Variants in SGCZ observed in about 807,000 individuals in gnomAD.
SGCZ encodes sarcoglycan zeta, also known as zeta-sarcoglycan.
Under a neutral mutation model 41.3 loss-of-function variants are expected in SGCZ, and 40 were observed. That is an observed-to-expected ratio of 0.97 (90% CI 0.75 to 1.26). The LOEUF (loss-of-function observed/expected upper bound fraction) is 1.26, where lower values mean the gene tolerates loss of function less well. Ranked by LOEUF, SGCZ falls within the 50% of genes most tolerant of loss-of-function variation. SGCZ has a pLI of 0.00. For missense variants in SGCZ, 552 were observed against 369.8 expected, an observed-to-expected ratio of 1.49 and a Z score of -4.04; for synonymous variants, 206 against 137.5, an observed-to-expected ratio of 1.50 and a Z score of -3.49.
intron 2 of SGCZ, among the ~76,000 whole-genome samples, chr8:14,347,413 T>A (rs551041171): frequency 1.3e-5 from 2 of 152,110 alleles, no homozygotes; most frequent in Admixed American, 6.6e-5. Flanking sequence ...CCATATGTGA[T>A]TAATTGCATT....
At chr8:14,304,372 T>G (rs962687234) in intron 3 of SGCZ, among the ~76,000 whole-genome samples, 1 of 152,054 alleles carries the variant, frequency 6.6e-6, no homozygotes, top group African/African-American at 2.4e-5. Flanking sequence ...GGCAGAAGGA[T>G]TGCTTGAGCC....
intron 1 of SGCZ, among the ~76,000 whole-genome samples, chr8:14,650,711 G>A (rs1393739756): frequency 1.3e-5 from 2 of 152,066 alleles, no homozygotes; most frequent in Admixed American, 1.3e-4. Context: ...ATTGCCAGGT[G>A]AAAGAGATTT....
intron 2 of SGCZ, among the ~76,000 whole-genome samples, chr8:14,536,256 AT>A (rs1803293632): frequency 6.6e-6 from 1 of 151,904 alleles, no homozygotes; most frequent in East Asian, 1.9e-4. Flanking sequence ...GAAACAATTC[AT>A]TCATGTTGAT....
intron 1 of SGCZ, among the ~76,000 whole-genome samples, chr8:14,984,024 A>C (rs1801753321): frequency 6.6e-6 from 1 of 152,204 alleles, no homozygotes; most frequent in Non-Finnish European, 1.5e-5. Flanking sequence ...AAGTGGAGTG[A>C]AATTGGAATA....
chr8:14,086,630 C>G lies in SGCZ; in HGVS notation c.*3813G>C, dbSNP rs1801529650. On this transcript the variant is annotated 3_prime_UTR_variant, in exon 8 of 8. Coordinates refer to ENST00000382080, the MANE Select transcript of SGCZ (RefSeq NM_139167.4). ...CCTAAACAGTCATTTTGAATAAGAT[C>G]CAAATGCATTATTTTCCTTTTTAAC... 6.6e-6 allele frequency among the ~76,000 whole-genome samples: 1 copy of G among 151,562 alleles called. No individual in the cohort carries two copies. Among genetic ancestry groups the G allele is most frequent in the Admixed American group, 6.6e-5 (1 of 15,150 alleles).
intron 1 of SGCZ, among the ~76,000 whole-genome samples, chr8:15,142,770 C>T (rs567308005): frequency 2.6e-5 from 4 of 151,916 alleles, no homozygotes; most frequent in Admixed American, 6.6e-5. Flanking sequence ...CATCACCGCA[C>T]CCAGCTACTT....
intron 1 of SGCZ, among the ~76,000 whole-genome samples, chr8:15,114,749 T>C (rs768269921): frequency 9.3e-5 from 14 of 150,690 alleles, no homozygotes; most frequent in Non-Finnish European, 1.8e-4. Context: ...ACAAGCGTTT[T>C]CTTTTTGTTT....
intron 1 of SGCZ, among the ~76,000 whole-genome samples, chr8:14,771,819 G>A (rs904301074): frequency 6.6e-6 from 1 of 151,970 alleles, no homozygotes; most frequent in Non-Finnish European, 1.5e-5. Flanking sequence ...AATTTGCATT[G>A]AATACTAAAT....
intron 1 of SGCZ, among the ~76,000 whole-genome samples, chr8:14,804,509 C>T (rs1424136142): frequency 1.6e-4 from 20 of 124,308 alleles, no homozygotes; most frequent in South Asian, 9.2e-4. Context: ...TGAAATGAAG[C>T]GAGAAGGGAA....
intron 1 of SGCZ, among the ~76,000 whole-genome samples, chr8:14,636,298 TA>T (rs1357140056): frequency 6.6e-6 from 1 of 151,870 alleles, no homozygotes; most frequent in East Asian, 1.9e-4. Flanking sequence ...AGGAGGAAGA[TA>T]AAATGATTCC....
intron 1 of SGCZ, among the ~76,000 whole-genome samples, chr8:14,677,633 G>A (rs1021631966): frequency 6.6e-6 from 1 of 152,002 alleles, no homozygotes; most frequent in African/African-American, 2.4e-5. Context: ...AAGCCAGGAG[G>A]GGTGGCCTGT....
intron 7 of SGCZ, among the ~76,000 whole-genome samples, chr8:14,102,106 T>TATATATAA (rs1491151875): frequency 2.2e-4 from 8 of 36,650 alleles, no homozygotes; most frequent in African/African-American, 1.0e-3. Context: ...ATATATATAA[T>TATATATAA]TTTTTTTTTT....
intron 7 of SGCZ, among the ~76,000 whole-genome samples, chr8:14,098,660 G>A (rs1168584927): frequency 6.6e-6 from 1 of 152,166 alleles, no homozygotes; most frequent in Non-Finnish European, 1.5e-5. Flanking sequence ...TCACCTTGAA[G>A]AAATATTAAA....
At chr8:14,750,982 G>T (rs548518640) in intron 1 of SGCZ, among the ~76,000 whole-genome samples, 1 of 152,236 alleles carries the variant, frequency 6.6e-6, no homozygotes, top group African/African-American at 2.4e-5. Flanking sequence ...TTGAAGCATT[G>T]TTATGAACCA....
In SGCZ at chr8:14,146,552, A is replaced by T. The variant is rs577156022; in HGVS notation, c.547+18028T>A. On this transcript the variant is annotated intron_variant, in intron 5 of 7. Coordinates refer to ENST00000382080, the MANE Select transcript of SGCZ (RefSeq NM_139167.4). ...ACAGAAAAACACAGAATATTATAAC[A>T]CTGTAACAGTGGTGTGTTAACTACT... Among the ~76,000 whole-genome samples, 25 of 152,220 alleles carry T rather than the reference A, an allele frequency of 1.6e-4. 1 individual carries two copies. In the Middle Eastern group the frequency reaches 0.024, roughly 145 times the overall value.
intron 1 of SGCZ, among the ~76,000 whole-genome samples, chr8:15,004,286 G>A (rs1304772207): frequency 6.6e-6 from 1 of 152,110 alleles, no homozygotes; most frequent in Admixed American, 6.5e-5. Context: ...AATGAGCAAG[G>A]CAGTCATTAG....
chr8:14,477,035 C>G (rs1178284934), intron 2 of SGCZ, among the ~76,000 whole-genome samples: 2 of 152,130 alleles, frequency 1.3e-5, no homozygotes, highest in Non-Finnish European at 2.9e-5. Flanking sequence ...CTACTGGTTG[C>G]AAATATTTTT....
At chr8:14,551,643 T>C (rs1401078647) in intron 2 of SGCZ, among the ~76,000 whole-genome samples, 1 of 97,692 alleles carries the variant, frequency 1.0e-5, no homozygotes, top group Non-Finnish European at 2.0e-5. Context: ...TATATATATA[T>C]AAAATATATA....
chr8:14,662,067 A>G (rs139835213), intron 1 of SGCZ, among the ~76,000 whole-genome samples: 31 of 152,312 alleles, frequency 2.0e-4, no homozygotes, highest in African/African-American at 7.2e-4. Flanking sequence ...AAATCCTTTC[A>G]TATATCTTAG....
Sources: allele counts gnomAD v4.1 joint callset (sites outside exome capture counted in the v4.1 genomes callset), GRCh38; gene constraint gnomAD v4.1.1; transcripts MANE v1.5; gene names NCBI Gene and HGNC (gene_info 2026-07-23, HGNC 2026-07-21).